Variants in TP63 observed in about 807,000 individuals in gnomAD.
TP63 encodes tumor protein 63.
TP63 carries 17 observed loss-of-function variants against 82.8 expected under a neutral mutation model. That is an observed-to-expected ratio of 0.21 (90% CI 0.14 to 0.31). TP63 has a LOEUF of 0.31. Among genes scored for constraint, TP63 ranks in the 10% least tolerant of loss-of-function variants. TP63 has a pLI of 1.00. For synonymous variants in TP63, 330 were observed against 321.7 expected (o/e 1.03, Z -0.28); for missense variants, 648 against 895.3 (o/e 0.72, Z 3.52).
At chr3:189,737,601 T>C (rs995818633) in intron 1 of TP63, 139 bp from the exon 2 acceptor site, 12 of 1,109,952 alleles carry the variant, frequency 1.1e-5, no homozygotes, top group African/African-American at 1.6e-5. Flanking sequence ...ATTGTGCAAC[T>C]TGTAACATGT....
At chr3:189,619,342 A>G in the TP63 span, among the ~76,000 whole-genome samples, 1 of 152,212 alleles carries the variant, frequency 6.6e-6, no homozygotes, top group East Asian at 1.9e-4. Context: ...GTCCATCTCC[A>G]TAATCTCTGA....
chr3:189,615,218 C>G, the TP63 span, among the ~76,000 whole-genome samples: 2 of 152,220 alleles, frequency 1.3e-5, no homozygotes, highest in East Asian at 1.9e-4. Context: ...CTCACTCACT[C>G]TAGCCCATGT....
At position 189,875,609 on chromosome 3, in the gene TP63, T is replaced by TATATATATATATATATATACACAC. The variant is rs1719011810; in HGVS notation, c.1349+2633_1349+2634insCACACATATATATATATATATATA. On this transcript the variant is annotated intron_variant, in intron 10 of 13. Transcript: ENST00000264731. ...AAATACATACATATATATATATATATATATATATATATATATATATATATA... is the reference window on the plus strand; with the variant it reads ...AAATACATACATATATATATATATATATATATATATATATATATACACACATATATATATATATATATATATATA... Among the ~76,000 whole-genome samples, 30 of 62,990 alleles carry TATATATATATATATATATACACAC rather than the reference T, an allele frequency of 4.8e-4. 1 individual carries two copies. The highest frequency in any genetic ancestry group is 9.3e-4 in the Non-Finnish European group (26 of 28,066). The allele number at this position is 62,990 out of a possible 152,430, so 41.3% of individuals were successfully genotyped here.
intron 3 of TP63, among the ~76,000 whole-genome samples, chr3:189,740,854 G>A (rs928789043): frequency 1.3e-5 from 2 of 152,124 alleles, no homozygotes; most frequent in African/African-American, 4.8e-5. Flanking sequence ...TGTATTCTTG[G>A]AAATGTTCTC....
In TP63 at chr3:189,886,384, G is replaced by T. The variant is rs1720446611; in HGVS notation, c.1350-10G>T. 1 of 1,613,528 alleles carries T rather than the reference G, an allele frequency of 6.2e-7. No individual in the cohort carries two copies. The highest frequency in any genetic ancestry group is 1.3e-5 in the African/African-American group (1 of 74,910). On this transcript the variant is annotated splice_polypyrimidine_tract_variant and intron_variant, in intron 10 of 13. Transcript: ENST00000264731. ...CTTGCTCACCATTATTTCCATGTTT[G>T]TCTTCCTAGGACCTCAATACAGTCT... is the stretch of plus-strand genomic sequence containing the variant.
chr3:189,778,721 C>G (rs1724008283), intron 3 of TP63, among the ~76,000 whole-genome samples: 1 of 152,154 alleles, frequency 6.6e-6, no homozygotes, highest in Admixed American at 6.5e-5. Flanking sequence ...AGTATCAGTT[C>G]CCTTTTTTGT....
intron 3 of TP63, among the ~76,000 whole-genome samples, chr3:189,788,398 C>T (rs560476248): frequency 2.6e-5 from 4 of 152,032 alleles, no homozygotes; most frequent in Admixed American, 1.3e-4. Flanking sequence ...GAGGCAAATC[C>T]GAAGTCGTGA....
intron 3 of TP63, among the ~76,000 whole-genome samples, chr3:189,803,013 T>C (rs1436911852): frequency 6.6e-6 from 1 of 152,204 alleles, no homozygotes; most frequent in African/African-American, 2.4e-5. Flanking sequence ...TAAAAAATTC[T>C]CTTGGCCAGG....
At chr3:189,640,149 A>C (rs1346320755) in intron 1 of TP63, among the ~76,000 whole-genome samples, 1 of 152,090 alleles carries the variant, frequency 6.6e-6, no homozygotes, top group East Asian at 1.9e-4. Flanking sequence ...TTCAATGAGG[A>C]AATATGCTTT....
intron 11 of TP63, 145 bp from the exon 12 acceptor site, chr3:189,889,195 T>A (rs1449129983): frequency 8.6e-7 from 1 of 1,162,412 alleles, no homozygotes; most frequent in Non-Finnish European, 1.3e-6. Flanking sequence ...GTAGGCTGTT[T>A]GAAGGGGTGT....
intron 3 of TP63, among the ~76,000 whole-genome samples, chr3:189,760,839 A>G (rs1375295621): frequency 6.6e-6 from 1 of 152,110 alleles, no homozygotes; most frequent in Non-Finnish European, 1.5e-5. Flanking sequence ...ATTTCCATAC[A>G]TGTTCTGAAA....
the TP63 span, among the ~76,000 whole-genome samples, chr3:189,607,378 A>G: frequency 6.6e-6 from 1 of 152,216 alleles, no homozygotes. Flanking sequence ...TATCTTTGCA[A>G]CTTTTCTGTA....
At chr3:189,682,509 T>C (rs1338172876) in intron 1 of TP63, among the ~76,000 whole-genome samples, 1 of 142,484 alleles carries the variant, frequency 7.0e-6, no homozygotes, top group Non-Finnish European at 1.5e-5. Context: ...ACCCAGCAGT[T>C]TCATTCCTGG....
the TP63 span, among the ~76,000 whole-genome samples, chr3:189,604,014 A>G: frequency 6.6e-6 from 1 of 152,096 alleles, no homozygotes; most frequent in Non-Finnish European, 1.5e-5. Context: ...GGGTAAATAG[A>G]ACACTTGAAA....
At chr3:189,886,931 G>A (rs556060834) in intron 11 of TP63, among the ~76,000 whole-genome samples, 15 of 152,112 alleles carry the variant, frequency 9.9e-5, no homozygotes, top group Admixed American at 3.9e-4. Context: ...GAAATAGGCC[G>A]GGCATGGTGG....
At chr3:189,699,747 G>C (rs10513841) in intron 1 of TP63, among the ~76,000 whole-genome samples, 3,021 of 152,088 alleles carry the variant, frequency 0.02, 108 homozygotes, top group African/African-American at 0.069. Flanking sequence ...TCACTGATTT[G>C]ATTAATGTCA....
At chr3:189,685,495 G>A (rs1049885022) in intron 1 of TP63, among the ~76,000 whole-genome samples, 8 of 152,154 alleles carry the variant, frequency 5.3e-5, no homozygotes, top group South Asian at 4.2e-4. Context: ...GAAGCTTCCC[G>A]CAGCCAGCTT....
rs188261261 is a variant in TP63, at chr3:189,716,730, A to T, written c.63-21010A>T. Among the ~76,000 whole-genome samples, 373 of 151,882 alleles carry T rather than the reference A, an allele frequency of 2.5e-3. 3 individuals carry two copies. Among genetic ancestry groups the T allele is most frequent in the Non-Finnish European group, 2.6e-3 (180 of 67,956 alleles). On this transcript the variant is annotated intron_variant, in intron 1 of 13. Coordinates refer to ENST00000264731, the MANE Select transcript of TP63 (RefSeq NM_003722.5). ...TTGGCACTAGTCTATCTTATCTGAAATTTTTTCAGTTCATCTACTTCATGA... is the reference window on the plus strand; with the variant it reads ...TTGGCACTAGTCTATCTTATCTGAATTTTTTTCAGTTCATCTACTTCATGA...
At chr3:189,704,157 A>G (rs958153848) in intron 1 of TP63, among the ~76,000 whole-genome samples, 8 of 152,204 alleles carry the variant, frequency 5.3e-5, no homozygotes, top group Non-Finnish European at 1.2e-4. Context: ...AAGAGCTACA[A>G]TGGTGGGAGA....
Sources: gnomAD v4.1 joint callset for allele counts (sites outside exome capture counted in the v4.1 genomes callset) on GRCh38, gnomAD v4.1.1 for gene constraint, MANE v1.5 for transcripts, NCBI Gene and HGNC (gene_info 2026-07-23, HGNC 2026-07-21) for gene names.